The following ITGA8 variants were observed in gnomAD, a reference collection of about 807,000 sequenced individuals.
ITGA8 encodes the protein integrin alpha-8.
A neutral mutation model predicts 142.3 loss-of-function variants in ITGA8; 91 were observed. The ratio of observed to expected loss-of-function variants is 0.64; its 90% CI spans 0.54 to 0.76. The LOEUF (loss-of-function observed/expected upper bound fraction) is 0.76. Ranked by LOEUF, ITGA8 falls within the 30% of genes least tolerant of loss-of-function variation. The pLI, the probability that ITGA8 is intolerant of heterozygous loss-of-function variation, is 0.00. For missense variants in ITGA8, 1,406 were observed against 1,327.7 expected, an observed-to-expected ratio of 1.06 and a Z score of -0.92; for synonymous variants, 505 against 485.2, an observed-to-expected ratio of 1.04 and a Z score of -0.54.
At chr10:15,672,487 A>G in intron 7 of ITGA8, 137 bp downstream of exon 7, 1 of 1,048,226 alleles carries the variant, frequency 9.5e-7, no homozygotes, top group Non-Finnish European at 1.4e-6. Flanking sequence ...AGAAAAGAAA[A>G]ATTGAGTCCA....
intron 27 of ITGA8, among the ~76,000 whole-genome samples, chr10:15,545,567 T>G (rs531337735): frequency 6.6e-6 from 1 of 152,354 alleles, no homozygotes; most frequent in Non-Finnish European, 1.5e-5. Context: ...CTTTGAAACA[T>G]TCTCTTCGTT....
At chr10:15,683,889 C>T in intron 4 of ITGA8, 115 bp downstream of exon 4, 1 of 1,270,834 alleles carries the variant, frequency 7.9e-7, no homozygotes, top group African/African-American at 1.5e-5. Flanking sequence ...ACCCCCGAAG[C>T]TTTTTCCTTG....
Position 15,548,502 on chromosome 10 carries a change from C to A in ITGA8, c.2833G>T (p.Ala945Ser), listed in dbSNP as rs200149085. 6.2e-7 allele frequency: 1 copy of A among 1,601,314 alleles called. No individual in the cohort carries two copies. The change falls in exon 27 of 30, where the codon GCA (alanine) becomes TCA (serine). Residue 945 changes from alanine to serine, a missense_variant. Ala to Ser is a moderately conservative substitution (Grantham distance 99). Transcript: ENST00000378076. ...AATCGTGACCTGACTTTCAGGACTG[C>A]GCTTTCTCCTCCTTCGAGTCGTCCC... ...AVGRLEGGES[A>S]VLKVRSRLWA...
intron 23 of ITGA8, among the ~76,000 whole-genome samples, chr10:15,576,742 A>G (rs2131584521): frequency 6.6e-6 from 1 of 152,338 alleles, no homozygotes; most frequent in South Asian, 2.1e-4. Flanking sequence ...ATGTTCGGAA[A>G]ACATCTCAAA....
At chr10:15,636,784 T>G (rs1458606479) in intron 13 of ITGA8, among the ~76,000 whole-genome samples, 1 of 152,204 alleles carries the variant, frequency 6.6e-6, no homozygotes, top group East Asian at 1.9e-4. Context: ...TAAATATTTT[T>G]AAATGGCTAA....
intron 2 of ITGA8, among the ~76,000 whole-genome samples, chr10:15,695,075 C>T (rs529659049): frequency 6.6e-6 from 1 of 152,174 alleles, no homozygotes; most frequent in Non-Finnish European, 1.5e-5. Context: ...TGTAATTCTG[C>T]CTGTGTGATT....
chr10:15,696,308 G>C (rs1835051940), intron 2 of ITGA8, among the ~76,000 whole-genome samples: 2 of 152,164 alleles, frequency 1.3e-5, no homozygotes, highest in African/African-American at 4.8e-5. Flanking sequence ...ACAATGTCAA[G>C]TTTTCTAAGT....
intron 21 of ITGA8, among the ~76,000 whole-genome samples, chr10:15,595,343 C>T (rs1832994680): frequency 6.6e-6 from 1 of 151,652 alleles, no homozygotes; most frequent in African/African-American, 2.4e-5. Flanking sequence ...TTGTAGAGTA[C>T]AAAATGAAGA....
At chr10:15,659,862 G>A (rs1333482085) in intron 9 of ITGA8, among the ~76,000 whole-genome samples, 1 of 152,168 alleles carries the variant, frequency 6.6e-6, no homozygotes, top group Non-Finnish European at 1.5e-5. Flanking sequence ...ATCAGGGGCT[G>A]GAAGGGGGCA....
chr10:15,636,936 G>C (rs915840587), intron 13 of ITGA8, among the ~76,000 whole-genome samples: 2 of 152,180 alleles, frequency 1.3e-5, no homozygotes, highest in Non-Finnish European at 2.9e-5. Flanking sequence ...CTTGAGGTCA[G>C]CAGTTCGAGA....
intron 4 of ITGA8, among the ~76,000 whole-genome samples, chr10:15,682,955 C>T (rs1017629013): frequency 1.3e-5 from 2 of 148,940 alleles, no homozygotes; most frequent in African/African-American, 2.5e-5. Flanking sequence ...GATTTTTTCT[C>T]TTCATTTATT....
At chr10:15,598,926 T>G (rs942643383) in intron 20 of ITGA8, among the ~76,000 whole-genome samples, 8 of 152,200 alleles carry the variant, frequency 5.3e-5, no homozygotes, top group South Asian at 4.1e-4. Context: ...TGTCTTCAGC[T>G]CCTTAAGGAT....
In ITGA8 at chr10:15,655,640, A is replaced by G. The variant is rs562528410; in HGVS notation, c.949-234T>C. Among the ~76,000 whole-genome samples, 6 of 152,302 alleles carry G rather than the reference A, an allele frequency of 3.9e-5. No homozygotes were observed. In the South Asian group the frequency reaches 1.2e-3, roughly 32 times the overall value. ...CTTGGACATCCTCTGGGGATGTTCA[A>G]CAATCAGCCCATTTAATCTGTGGAC... On this transcript the variant is annotated intron_variant, in intron 10 of 29. Coordinates refer to ENST00000378076, the MANE Select transcript of ITGA8 (RefSeq NM_003638.3).
At chr10:15,554,750 T>TCTTTCTTTCTTTCTTTCTTTC in intron 26 of ITGA8, among the ~76,000 whole-genome samples, 1 of 147,498 alleles carries the variant, frequency 6.8e-6, no homozygotes, top group African/African-American at 2.5e-5. Context: ...TTTCTTTCTT[T>TCTTTCTTTCTTTCTTTCTTTC]TTTTTTTAAT....
At chr10:15,684,676 A>G (rs1443306654) in intron 3 of ITGA8, among the ~76,000 whole-genome samples, 1 of 98,836 alleles carries the variant, frequency 1.0e-5, no homozygotes, top group East Asian at 2.9e-4. Flanking sequence ...CCTAGGCCCC[A>G]TAGAAATTAA....
intron 20 of ITGA8, among the ~76,000 whole-genome samples, chr10:15,598,759 G>C (rs1833050517): frequency 6.6e-6 from 1 of 152,176 alleles, no homozygotes. Flanking sequence ...ATCTGTCCTA[G>C]TTATTGAGAA....
intron 12 of ITGA8, among the ~76,000 whole-genome samples, chr10:15,644,572 C>A (rs9333141): frequency 0.034 from 4,937 of 145,242 alleles, 118 homozygotes; most frequent in Non-Finnish European, 0.053. Flanking sequence ...CAAGTGATCA[C>A]CCCACCTCAG....
At position 15,678,709 on chromosome 10, in the gene ITGA8, C is replaced by T; in HGVS notation, c.630+13G>A. 1.3e-6 allele frequency: 2 copies of T among 1,597,292 alleles called. No individual in the cohort carries two copies. Among genetic ancestry groups the T allele is most frequent in the South Asian group, 2.2e-5 (2 of 90,288 alleles). ...GATTAAATATTAGGAACTGCGAGAC[C>T]AAAATAATTCACCTTATAAAAATCC... is the stretch of plus-strand genomic sequence containing the variant. On this transcript the variant is annotated intron_variant, in intron 5 of 29. Coordinates refer to ENST00000378076, the MANE Select transcript of ITGA8 (RefSeq NM_003638.3).
At chr10:15,561,223 ATATATATATATG>A (rs1295312612) in intron 25 of ITGA8, among the ~76,000 whole-genome samples, 3 of 105,090 alleles carry the variant, frequency 2.9e-5, no homozygotes, top group East Asian at 5.4e-4. Context: ...ATATATATAT[ATATATATATATG>A]TATATATATA....
Sources: allele counts gnomAD v4.1 joint callset (sites outside exome capture counted in the v4.1 genomes callset), GRCh38; gene constraint gnomAD v4.1.1; transcripts MANE v1.5; gene names NCBI Gene and HGNC (gene_info 2026-07-23, HGNC 2026-07-21).